The following MYRIP variants were observed in gnomAD, a reference collection of about 807,000 sequenced individuals.
MYRIP encodes rab effector MyRIP.
In MYRIP, 49 loss-of-function variants were observed where a neutral mutation model predicts 98.0. That is an observed-to-expected ratio of 0.50 (90% CI 0.40 to 0.63). MYRIP has a LOEUF of 0.63. Among genes scored for constraint, MYRIP ranks in the 30% least tolerant of loss-of-function variants. The pLI is 0.00. For synonymous variants in MYRIP, 404 were observed against 409.5 expected, an observed-to-expected ratio of 0.99 and a Z score of 0.16; for missense variants, 1,004 against 1,058.2, an observed-to-expected ratio of 0.95 and a Z score of 0.71.
chr3:40,219,607 A>G (rs1952262931), intron 11 of MYRIP, among the ~76,000 whole-genome samples: 1 of 152,010 alleles, frequency 6.6e-6, no homozygotes, highest in African/African-American at 2.4e-5. Flanking sequence ...TCCTTGCGAT[A>G]GTTTGCTCAG....
intron 11 of MYRIP, among the ~76,000 whole-genome samples, chr3:40,216,622 C>G (rs1175524680): frequency 6.6e-6 from 1 of 152,142 alleles, no homozygotes; most frequent in Admixed American, 6.5e-5. Flanking sequence ...CACTGTTATA[C>G]TCATTTAGTA....
chr3:39,969,973 G>C (rs1945537205), intron 2 of MYRIP, among the ~76,000 whole-genome samples: 1 of 152,052 alleles, frequency 6.6e-6, no homozygotes, highest in Admixed American at 6.6e-5. Flanking sequence ...TTGGTAGGCT[G>C]TTTATTACTG....
In MYRIP at chr3:40,136,578, T is replaced by C. The variant is rs191874009; in HGVS notation, c.333-14470T>C. ...CTCTCCACCCCAAATCAACAGAATATACATTGTTTTCAGCACCACACCACA... is the reference window on the plus strand; with the variant it reads ...CTCTCCACCCCAAATCAACAGAATACACATTGTTTTCAGCACCACACCACA... On this transcript the variant is annotated intron_variant, in intron 3 of 16. Transcript: ENST00000302541. Among the ~76,000 whole-genome samples, 456 of 151,376 alleles carry C rather than the reference T, an allele frequency of 3.0e-3. 1 individual carries two copies. The highest frequency in any genetic ancestry group is 6.8e-3 in the Middle Eastern group (2 of 292).
intron 1 of MYRIP, among the ~76,000 whole-genome samples, chr3:39,850,919 T>C (rs1942111816): frequency 6.6e-6 from 1 of 152,182 alleles, no homozygotes; most frequent in Non-Finnish European, 1.5e-5. Flanking sequence ...TGTTCATTAG[T>C]GGTCTGTGCA....
chr3:40,031,651 T>A (rs946081289), intron 2 of MYRIP, among the ~76,000 whole-genome samples: 1 of 152,128 alleles, frequency 6.6e-6, no homozygotes, highest in Non-Finnish European at 1.5e-5. Context: ...GTGAGAGAAA[T>A]GAAGTCTCCC....
chr3:40,104,428 G>C (rs1949014543), intron 3 of MYRIP, among the ~76,000 whole-genome samples: 3 of 152,114 alleles, frequency 2.0e-5, no homozygotes, highest in Admixed American at 1.3e-4. Context: ...AACTTTTAGA[G>C]GTATAGATGA....
intron 2 of MYRIP, among the ~76,000 whole-genome samples, chr3:39,928,838 T>C (rs1259006765): frequency 6.6e-6 from 1 of 151,906 alleles, no homozygotes; most frequent in Admixed American, 6.6e-5. Context: ...GATTATGCAA[T>C]AGATGAGAAA....
At position 40,237,347 on chromosome 3, in the gene MYRIP, C is replaced by A. The variant is rs1388521445; in HGVS notation, c.2100+3294C>A. 5.9e-5 allele frequency among the ~76,000 whole-genome samples: 9 copies of A among 152,260 alleles called. No individual in the cohort carries two copies. The East Asian group carries it at 1.7e-3, about 29-fold the overall frequency. ...GATTAGGTAATTCTTTGTGTGGGGGCTGTCCTGTGCACAGGATACTTGGCA... is the reference window on the plus strand; with the variant it reads ...GATTAGGTAATTCTTTGTGTGGGGGATGTCCTGTGCACAGGATACTTGGCA... On this transcript the variant is annotated intron_variant, in intron 12 of 16. Coordinates refer to ENST00000302541, the MANE Select transcript of MYRIP (RefSeq NM_015460.4).
At chr3:39,936,707 G>A (rs965178340) in intron 2 of MYRIP, among the ~76,000 whole-genome samples, 3 of 152,090 alleles carry the variant, frequency 2.0e-5, no homozygotes, top group Admixed American at 6.6e-5. Context: ...AAGACTCCCC[G>A]ACGTGGAGCT....
intron 1 of MYRIP, among the ~76,000 whole-genome samples, chr3:39,879,734 C>T (rs921365881): frequency 6.6e-6 from 1 of 152,178 alleles, no homozygotes; most frequent in African/African-American, 2.4e-5. Context: ...CTGTGAAGGG[C>T]AGCAGCTGAA....
At chr3:39,875,082 G>T (rs1340650136) in intron 1 of MYRIP, among the ~76,000 whole-genome samples, 1 of 152,122 alleles carries the variant, frequency 6.6e-6, no homozygotes, top group African/African-American at 2.4e-5. Context: ...GGGTGTATGT[G>T]TCCAGGAATT....
chr3:40,109,953 C>T (rs1473049962), intron 3 of MYRIP, among the ~76,000 whole-genome samples: 1 of 152,258 alleles, frequency 6.6e-6, no homozygotes, highest in Non-Finnish European at 1.5e-5. Context: ...TTGAACAGGA[C>T]ACAGTCCCTG....
At chr3:40,021,128 T>C (rs1946984181) in intron 2 of MYRIP, among the ~76,000 whole-genome samples, 1 of 152,206 alleles carries the variant, frequency 6.6e-6, no homozygotes, top group African/African-American at 2.4e-5. Flanking sequence ...CCCCCTTTGC[T>C]CTGGTAAGGG....
At chr3:40,163,225 T>C (rs1950432737) in intron 5 of MYRIP, among the ~76,000 whole-genome samples, 1 of 152,190 alleles carries the variant, frequency 6.6e-6, no homozygotes, top group African/African-American at 2.4e-5. Flanking sequence ...AAAACAAACT[T>C]CTAATTTCAA....
At chr3:39,841,866 G>T (rs1941809548) in intron 1 of MYRIP, among the ~76,000 whole-genome samples, 2 of 152,178 alleles carry the variant, frequency 1.3e-5, no homozygotes, top group Non-Finnish European at 2.9e-5. Context: ...ATGCCAGCTG[G>T]AGCTCTGCTG....
intron 3 of MYRIP, among the ~76,000 whole-genome samples, chr3:40,110,857 A>G (rs997655266): frequency 2.0e-5 from 3 of 151,076 alleles, no homozygotes; most frequent in Non-Finnish European, 4.4e-5. Flanking sequence ...AAATGTCTTT[A>G]TGCTACTCTG....
At chr3:39,830,895 T>C (rs1941425335) in intron 1 of MYRIP, among the ~76,000 whole-genome samples, 1 of 152,150 alleles carries the variant, frequency 6.6e-6, no homozygotes. Context: ...TCTCCCATTC[T>C]CTCTTAAACC....
intron 8 of MYRIP, among the ~76,000 whole-genome samples, chr3:40,175,927 C>T (rs1002082327): frequency 6.6e-6 from 1 of 152,198 alleles, no homozygotes; most frequent in Admixed American, 6.5e-5. Flanking sequence ...GCTAGTAATG[C>T]CCCCTGGGGA....
intron 2 of MYRIP, among the ~76,000 whole-genome samples, chr3:39,940,181 A>G (rs1303357783): frequency 6.6e-6 from 1 of 152,012 alleles, no homozygotes; most frequent in Non-Finnish European, 1.5e-5. Context: ...ACACACAATG[A>G]TATCATTAGC....
Sources: allele counts gnomAD v4.1 joint callset (sites outside exome capture counted in the v4.1 genomes callset), GRCh38; gene constraint gnomAD v4.1.1; transcripts MANE v1.5; gene names NCBI Gene and HGNC (gene_info 2026-07-23, HGNC 2026-07-21).